ZFHX3: variants seen among roughly 807,000 people sequenced by gnomAD.
The protein encoded by ZFHX3 is zinc finger homeobox 3.
In ZFHX3, 42 loss-of-function variants were observed where a neutral mutation model predicts 279.1. The ratio of observed to expected loss-of-function variants is 0.15; its 90% confidence interval spans 0.12 to 0.19. The LOEUF (loss-of-function observed/expected upper bound fraction) is 0.19, where lower values mean the gene tolerates loss of function less well. Ranked by LOEUF, ZFHX3 falls within the 10% of genes least tolerant of loss-of-function variation. The pLI, the probability that ZFHX3 is intolerant of heterozygous loss-of-function variation, is 1.00. For synonymous variants in ZFHX3, 2,293 were observed against 1,957.8 expected (o/e 1.17, Z -4.52); for missense variants, 4,981 against 4,754.0 (o/e 1.05, Z -1.40).
intron 5 of ZFHX3, among the ~76,000 whole-genome samples, chr16:73,181,688 G>A (rs1026373434): frequency 6.6e-6 from 1 of 152,194 alleles, no homozygotes; most frequent in South Asian, 2.1e-4. Context: ...TGGGACAAAT[G>A]AGCTTTAATG....
At chr16:73,651,768 T>C (rs2052674329) in intron 2 of ZFHX3, among the ~76,000 whole-genome samples, 1 of 138,436 alleles carries the variant, frequency 7.2e-6, no homozygotes, top group Non-Finnish European at 1.5e-5. Context: ...CTCAGGAGAA[T>C]GGCATGAACC....
chr16:73,612,387 C>T (rs747833458), intron 2 of ZFHX3, among the ~76,000 whole-genome samples: 1 of 152,094 alleles, frequency 6.6e-6, no homozygotes, highest in African/African-American at 2.4e-5. Flanking sequence ...GCTGCCATGA[C>T]CTTAACTCCA....
chr16:72,945,826 T>C (rs1199605065), intron 3 of ZFHX3, among the ~76,000 whole-genome samples: 1 of 152,020 alleles, frequency 6.6e-6, no homozygotes, highest in Non-Finnish European at 1.5e-5. Flanking sequence ...CCAAAGGATG[T>C]ATGCTTTTTG....
chr16:73,637,053 A>C (rs1362918575), intron 2 of ZFHX3, among the ~76,000 whole-genome samples: 1 of 152,094 alleles, frequency 6.6e-6, no homozygotes, highest in Non-Finnish European at 1.5e-5. Context: ...CTGGTTTAGA[A>C]ATAAGCAGAT....
intron 1 of ZFHX3, among the ~76,000 whole-genome samples, chr16:73,866,377 C>T (rs1430301788): frequency 6.6e-6 from 1 of 151,670 alleles, no homozygotes; most frequent in Admixed American, 6.6e-5. Flanking sequence ...TGGGGTTTCA[C>T]CATGTTGCCC....
intron 7 of ZFHX3, among the ~76,000 whole-genome samples, chr16:73,107,152 A>G (rs1370893397): frequency 2.6e-5 from 4 of 152,134 alleles, no homozygotes; most frequent in Admixed American, 2.6e-4. Flanking sequence ...TACTAAAAAT[A>G]CAAAAACACT....
At chr16:73,147,931 T>C (rs765334703) in intron 5 of ZFHX3, among the ~76,000 whole-genome samples, 1 of 152,102 alleles carries the variant, frequency 6.6e-6, no homozygotes, top group Non-Finnish European at 1.5e-5. Flanking sequence ...TTGTTAAATA[T>C]GAGGTGTTGG....
At chr16:73,682,917 AGAG>A (rs1567550609) in intron 1 of ZFHX3, among the ~76,000 whole-genome samples, 145 of 29,668 alleles carry the variant, frequency 4.9e-3, no homozygotes, top group Middle Eastern at 0.032. Flanking sequence ...AGAAAGAAAG[AGAG>A]AAAGAGAAAG....
chr16:73,255,484 T>G (rs1324914010), intron 5 of ZFHX3, among the ~76,000 whole-genome samples: 1 of 152,202 alleles, frequency 6.6e-6, no homozygotes, highest in Non-Finnish European at 1.5e-5. Flanking sequence ...ATGCCTTGCC[T>G]GTGATTTGGG....
intron 3 of ZFHX3, among the ~76,000 whole-genome samples, chr16:72,932,036 G>A (rs1959840209): frequency 6.6e-6 from 1 of 152,100 alleles, no homozygotes; most frequent in South Asian, 2.1e-4. Context: ...TTTTTAGAGT[G>A]AATATGCACT....
At chr16:73,429,355 T>C (rs567250277) in intron 3 of ZFHX3, among the ~76,000 whole-genome samples, 5 of 152,222 alleles carry the variant, frequency 3.3e-5, no homozygotes, top group African/African-American at 1.2e-4. Context: ...TTTTATGAGA[T>C]GGAGTCTCAC....
chr16:72,794,744 T>G lies in ZFHX3; in HGVS notation c.7938A>C (p.Thr2646=). 4 of 1,614,260 alleles carry G rather than the reference T, an allele frequency of 2.5e-6. No individual in the cohort carries two copies. The highest frequency in any genetic ancestry group is 2.2e-5 in the South Asian group (2 of 91,090). Residue 2646 remains threonine (T), a synonymous_variant, in exon 9 of 10, where the codon ACA becomes ACC. Coordinates refer to ENST00000268489, the MANE Select transcript of ZFHX3 (RefSeq NM_006885.4). The surrounding 1 kb of genome is among the most constrained non-coding windows in gnomAD (Gnocchi z 4.2). ...TTTCTAGTTGTTCCGGTGTGATGGTTGTTCTCAAACGCTTGTCTCTCTGAG... is the reference window on the plus strand; with the variant it reads ...TTTCTAGTTGTTCCGGTGTGATGGTGGTTCTCAAACGCTTGTCTCTCTGAG... ...EEPQRDKRLR[T]TITPEQLEIL...
chr16:72,840,383 C>T (rs980330570), intron 4 of ZFHX3, among the ~76,000 whole-genome samples: 16 of 152,030 alleles, frequency 1.1e-4, no homozygotes, highest in Non-Finnish European at 1.9e-4. Context: ...TATACAAGAA[C>T]GACAGCCAGG....
At chr16:73,063,842 T>A (rs1965715321), upstream of ZFHX3, among the ~76,000 whole-genome samples, 1 of 152,194 alleles carries the variant, frequency 6.6e-6, no homozygotes, top group Admixed American at 6.5e-5. Flanking sequence ...TTTTTACACC[T>A]GAAAGGTAAC....
intron 4 of ZFHX3, among the ~76,000 whole-genome samples, chr16:73,288,601 G>A (rs1479604357): frequency 2.0e-5 from 3 of 152,156 alleles, no homozygotes; most frequent in South Asian, 2.1e-4. Context: ...CAGCGGAGAT[G>A]GATTTCTTTA....
chr16:73,864,301 T>G (rs1961955817), intron 1 of ZFHX3, among the ~76,000 whole-genome samples: 1 of 152,214 alleles, frequency 6.6e-6, no homozygotes, highest in Non-Finnish European at 1.5e-5. Flanking sequence ...CTCAGAGCAA[T>G]CCTTCATTCA....
chr16:73,770,595 T>A (rs2054006564), intron 1 of ZFHX3, among the ~76,000 whole-genome samples: 2 of 152,332 alleles, frequency 1.3e-5, no homozygotes, highest in East Asian at 1.9e-4. Context: ...AGTAAGATAT[T>A]GAGATGATCA....
intron 2 of ZFHX3, chr16:73,504,136 T>C (rs1038291493): frequency 2.6e-5 from 4 of 152,162 alleles, no homozygotes; most frequent in African/African-American, 9.7e-5. Context: ...TCTCTTTTTC[T>C]CTCTCCCTCT....
At chr16:73,534,570 G>C (rs538208801) in intron 2 of ZFHX3, among the ~76,000 whole-genome samples, 1 of 152,278 alleles carries the variant, frequency 6.6e-6, no homozygotes, top group African/African-American at 2.4e-5. Context: ...CACACTTTTA[G>C]AACAGTAGCT....
Sources: allele counts gnomAD v4.1 joint callset (sites outside exome capture counted in the v4.1 genomes callset), GRCh38; gene constraint gnomAD v4.1.1; non-coding constraint Gnocchi (gnomAD v3.1); transcripts MANE v1.5; gene names NCBI Gene and HGNC (gene_info 2026-07-23, HGNC 2026-07-21).